Variants in CACNA1E observed in about 807,000 individuals in gnomAD.
CACNA1E encodes the protein calcium voltage-gated channel subunit alpha1 E.
CACNA1E carries 40 observed loss-of-function variants against 259.2 expected under a neutral mutation model. That is an observed-to-expected ratio of 0.15 (90% CI 0.12 to 0.20). The LOEUF (loss-of-function observed/expected upper bound fraction) is 0.20. Ranked by LOEUF, CACNA1E falls within the 10% of genes least tolerant of loss-of-function variation. The pLI is 1.00. For synonymous variants in CACNA1E, 1,104 were observed against 1,138.5 expected, an observed-to-expected ratio of 0.97 and a Z score of 0.61; for missense variants, 1,874 against 3,040.1, an observed-to-expected ratio of 0.62 and a Z score of 9.02.
chr1:181,422,947 C>T (rs998616446), intron 2 of CACNA1E, among the ~76,000 whole-genome samples: 5 of 152,052 alleles, frequency 3.3e-5, no homozygotes, highest in African/African-American at 9.7e-5. Context: ...TCTTAGGAAC[C>T]AAAAACATTG....
intron 1 of CACNA1E, among the ~76,000 whole-genome samples, chr1:181,364,305 T>C (rs1011058813): frequency 7.9e-5 from 12 of 152,232 alleles, no homozygotes; most frequent in African/African-American, 2.9e-4. Flanking sequence ...CATTGTATTT[T>C]ACACCACACT....
intron 2 of CACNA1E, among the ~76,000 whole-genome samples, chr1:181,420,120 C>G (rs570750749): frequency 2.6e-5 from 4 of 152,288 alleles, no homozygotes; most frequent in African/African-American, 9.6e-5. Context: ...AGGTGAAAGC[C>G]TGGGACACAT....
intron 7 of CACNA1E, among the ~76,000 whole-genome samples, chr1:181,697,837 G>A (rs1651864657): frequency 6.6e-6 from 1 of 152,192 alleles, no homozygotes; most frequent in East Asian, 1.9e-4. Context: ...CACTTTGACC[G>A]ATACTTCATA....
At chr1:181,581,668 T>A (rs1253488057) in intron 6 of CACNA1E, among the ~76,000 whole-genome samples, 1 of 152,194 alleles carries the variant, frequency 6.6e-6, no homozygotes, top group Non-Finnish European at 1.5e-5. Context: ...GTGCAGACTC[T>A]ATGCTCAAAA....
chr1:181,436,071 A>G (rs1571869648), intron 2 of CACNA1E, among the ~76,000 whole-genome samples: 1 of 152,236 alleles, frequency 6.6e-6, no homozygotes, highest in African/African-American at 2.4e-5. Context: ...CTGAACAGAC[A>G]TTTCTCAAAA....
intron 1 of CACNA1E, among the ~76,000 whole-genome samples, chr1:181,332,750 T>C (rs2102602677): frequency 6.6e-6 from 1 of 152,328 alleles, no homozygotes; most frequent in Middle Eastern, 3.4e-3. Flanking sequence ...GTGTGGTGAT[T>C]ATTAACCTTT....
chr1:181,680,405 A>T (rs536624470), intron 7 of CACNA1E, among the ~76,000 whole-genome samples: 2 of 152,274 alleles, frequency 1.3e-5, no homozygotes, highest in South Asian at 4.1e-4. Context: ...GGGTGAGAGC[A>T]CAAGCCAATG....
At chr1:181,761,147 C>G (rs1325119966) in intron 32 of CACNA1E, among the ~76,000 whole-genome samples, 1 of 152,242 alleles carries the variant, frequency 6.6e-6, no homozygotes, top group Non-Finnish European at 1.5e-5. Context: ...CTTTCAGCCT[C>G]ATTTTCTCAT....
rs1233355259 is a variant in CACNA1E, at chr1:181,739,195, T to C, written c.3661T>C (p.Leu1221=). 3 of 1,613,782 alleles carry C rather than the reference T, an allele frequency of 1.9e-6. No homozygotes were observed. Among genetic ancestry groups the C allele is most frequent in the East Asian group, 2.2e-5 (1 of 44,880 alleles). The change falls in exon 25 of 48, where the codon TTG becomes CTG. Residue 1221 remains leucine, a synonymous_variant. Coordinates refer to ENST00000367573, the MANE Select transcript of CACNA1E (RefSeq NM_001205293.3). ...ILQDGSYFRD[L]WNILDFVVVV... is the part of the protein sequence containing the mutation. The stretch of plus-strand genomic sequence containing the variant: ...GCAGGATGGGTCCTACTTCCGAGAC[T>C]TGTGGAACATCCTGGACTTTGTGGT...
intron 22 of CACNA1E, 28 bp from the exon 23 acceptor site, chr1:181,737,497 C>T (rs776135256): frequency 1.9e-6 from 3 of 1,611,900 alleles, no homozygotes; most frequent in Admixed American, 3.3e-5. Flanking sequence ...GGGGAGTGGG[C>T]CAGCTCAGCC....
chr1:181,729,264 G>A (rs533261228), intron 18 of CACNA1E, among the ~76,000 whole-genome samples: 14 of 152,064 alleles, frequency 9.2e-5, no homozygotes, highest in African/African-American at 3.1e-4. Flanking sequence ...CACTGCTCAG[G>A]TGTATGTGCC....
Position 181,756,433 on chromosome 1 carries a change from T to C in CACNA1E, c.4127+340T>C, listed in dbSNP as rs373567171. Among the ~76,000 whole-genome samples, 36 of 152,252 alleles carry C rather than the reference T, an allele frequency of 2.4e-4. No individual in the cohort carries two copies. In the South Asian group the frequency reaches 7.3e-3, roughly 31 times the overall value. ...CTGAGAGCTGTTATAGACAGATTTA[T>C]CCTCCAGGGGGGCCCAGCACCTGAA... is the stretch of plus-strand genomic sequence containing the variant. On this transcript the variant is annotated intron_variant, in intron 29 of 47. Transcript: ENST00000367573.
intron 27 of CACNA1E, among the ~76,000 whole-genome samples, chr1:181,752,892 C>T (rs1300981026): frequency 2.0e-5 from 3 of 152,314 alleles, no homozygotes; most frequent in East Asian, 3.9e-4. Context: ...CCACCTTCCA[C>T]GAGTCTCCCT....
intron 25 of CACNA1E, among the ~76,000 whole-genome samples, chr1:181,743,938 A>G (rs1438423529): frequency 6.6e-6 from 1 of 152,254 alleles, no homozygotes; most frequent in Non-Finnish European, 1.5e-5. Context: ...TCAGTCAGTT[A>G]CACAGGCTCT....
chr1:181,601,948 G>A (rs531498303), intron 6 of CACNA1E, among the ~76,000 whole-genome samples: 1 of 152,212 alleles, frequency 6.6e-6, no homozygotes, highest in Non-Finnish European at 1.5e-5. Context: ...TGTTGGGCAT[G>A]CTTCTGCCTT....
At chr1:181,661,489 T>C (rs1322684256) in intron 7 of CACNA1E, among the ~76,000 whole-genome samples, 1 of 152,060 alleles carries the variant, frequency 6.6e-6, no homozygotes, top group Non-Finnish European at 1.5e-5. Context: ...TCTGGATTGC[T>C]TTTAGGTTTC....
intron 1 of CACNA1E, among the ~76,000 whole-genome samples, chr1:181,397,296 C>G (rs537508312): frequency 3.4e-4 from 52 of 152,154 alleles, no homozygotes; most frequent in Admixed American, 2.4e-3. Flanking sequence ...TGTCCTGAAC[C>G]CTTACAAAAC....
intron 2 of CACNA1E, among the ~76,000 whole-genome samples, chr1:181,454,342 T>G (rs1233650433): frequency 6.6e-6 from 1 of 152,198 alleles, no homozygotes; most frequent in Non-Finnish European, 1.5e-5. Flanking sequence ...TTATTCCTAT[T>G]CAAACACTGA....
chr1:181,661,203 G>A (rs1288829223), intron 7 of CACNA1E, among the ~76,000 whole-genome samples: 1 of 152,164 alleles, frequency 6.6e-6, no homozygotes, highest in Non-Finnish European at 1.5e-5. Flanking sequence ...AGAAGCTTGT[G>A]GGAGGTTTTA....
Sources: gnomAD v4.1 joint callset for allele counts (sites outside exome capture counted in the v4.1 genomes callset) on GRCh38, gnomAD v4.1.1 for gene constraint, MANE v1.5 for transcripts, NCBI Gene and HGNC (gene_info 2026-07-23, HGNC 2026-07-21) for gene names.